Variants in KCNIP4 observed in about 807,000 individuals in gnomAD.
KCNIP4 encodes the protein potassium voltage-gated channel interacting protein 4.
Under a neutral mutation model 34.0 loss-of-function variants are expected in KCNIP4, and 12 were observed. The ratio of observed to expected loss-of-function variants is 0.35; its 90% CI spans 0.23 to 0.57. KCNIP4 has a LOEUF of 0.57. Among genes scored for constraint, KCNIP4 ranks in the 20% least tolerant of loss-of-function variants. KCNIP4 has a pLI of 0.83. For missense variants in KCNIP4, 238 were observed against 311.7 expected (o/e 0.76, Z 1.78); for synonymous variants, 124 against 102.2 (o/e 1.21, Z -1.29).
intron 1 of KCNIP4, among the ~76,000 whole-genome samples, chr4:21,436,501 C>T (rs1393183460): frequency 3.3e-5 from 5 of 152,330 alleles, no homozygotes; most frequent in Admixed American, 6.5e-5. Context: ...TTCTAAAATG[C>T]ATTCCAAAAA....
At chr4:21,368,689 A>C (rs536277609) in intron 1 of KCNIP4, among the ~76,000 whole-genome samples, 40 of 147,606 alleles carry the variant, frequency 2.7e-4, no homozygotes, top group Non-Finnish European at 4.7e-4. Context: ...TTCCCTAAAA[A>C]GTCAACAATT....
chr4:21,333,186 A>G (rs1008447205), intron 1 of KCNIP4, among the ~76,000 whole-genome samples: 3 of 151,974 alleles, frequency 2.0e-5, no homozygotes, highest in African/African-American at 7.2e-5. Context: ...TTCTCAACAG[A>G]ATTGGTGATT....
At chr4:21,932,716 T>C (rs1034725533) in intron 1 of KCNIP4, among the ~76,000 whole-genome samples, 1 of 152,022 alleles carries the variant, frequency 6.6e-6, no homozygotes, top group African/African-American at 2.4e-5. Flanking sequence ...ACCAGACCAG[T>C]GAAATCCTAA....
chr4:21,521,741 C>G (rs970374852), intron 1 of KCNIP4, among the ~76,000 whole-genome samples: 7 of 152,130 alleles, frequency 4.6e-5, no homozygotes, highest in East Asian at 1.9e-4. Flanking sequence ...TTCCTAAGTG[C>G]TCTCTCCAAT....
chr4:21,927,927 G>A (rs28558968), intron 1 of KCNIP4, among the ~76,000 whole-genome samples: 38,882 of 151,828 alleles, frequency 0.26, 5,888 homozygotes, highest in East Asian at 0.62. Context: ...CCATTTATAC[G>A]TGTACACTCT....
intron 4 of KCNIP4, among the ~76,000 whole-genome samples, chr4:20,752,239 A>G (rs1430274445): frequency 6.6e-6 from 1 of 151,646 alleles, no homozygotes; most frequent in Non-Finnish European, 1.5e-5. Flanking sequence ...TTGTATGTTT[A>G]GTAGAGACAG....
intron 1 of KCNIP4, among the ~76,000 whole-genome samples, chr4:21,769,791 T>C (rs569977886): frequency 1.3e-5 from 2 of 152,244 alleles, no homozygotes; most frequent in African/African-American, 4.8e-5. Context: ...CCATCTCTCC[T>C]CCATAGCATT....
intron 1 of KCNIP4, among the ~76,000 whole-genome samples, chr4:20,964,514 T>C (rs1280380611): frequency 6.6e-6 from 1 of 152,150 alleles, no homozygotes; most frequent in Non-Finnish European, 1.5e-5. Flanking sequence ...CAAGATCGTC[T>C]TTTTTGGGGG....
intron 1 of KCNIP4, among the ~76,000 whole-genome samples, chr4:20,920,758 G>A (rs533938561): frequency 1.2e-4 from 19 of 152,268 alleles, no homozygotes; most frequent in South Asian, 1.0e-3. Flanking sequence ...TTGGGAGGCC[G>A]AGGCGGGTGG....
intron 1 of KCNIP4, among the ~76,000 whole-genome samples, chr4:21,817,749 G>A (rs1365096647): frequency 6.6e-6 from 1 of 152,128 alleles, no homozygotes; most frequent in Admixed American, 6.6e-5. Context: ...GCTTACTAGG[G>A]TGGGGAAAAA....
At position 21,484,251 on chromosome 4, in the gene KCNIP4, A is replaced by T. The variant is rs114103375; in HGVS notation, c.61+464320T>A. ...AGACCAGCTTGACTAACATGGTGAA[A>T]CCCCACCTCTAGTACAAATACAAAA... On this transcript the variant is annotated intron_variant, in intron 1 of 8. Transcript: ENST00000382152. Among the ~76,000 whole-genome samples, 1,233 of 151,836 alleles carry T rather than the reference A, an allele frequency of 8.1e-3. 12 individuals are homozygous for T. Among genetic ancestry groups the T allele is most frequent in the African/African-American group, 0.029 (1,185 of 41,374 alleles).
At chr4:21,228,947 C>G (rs1758602622) in intron 1 of KCNIP4, among the ~76,000 whole-genome samples, 1 of 152,160 alleles carries the variant, frequency 6.6e-6, no homozygotes, top group Non-Finnish European at 1.5e-5. Flanking sequence ...CTCTGTTACA[C>G]TCCTGGAATG....
chr4:21,768,256 T>C (rs1174509698), intron 1 of KCNIP4, among the ~76,000 whole-genome samples: 4 of 152,118 alleles, frequency 2.6e-5, no homozygotes, highest in Non-Finnish European at 4.4e-5. Context: ...CAATTCTATA[T>C]TGATAACTAA....
At chr4:21,377,611 A>T (rs974812779) in intron 1 of KCNIP4, among the ~76,000 whole-genome samples, 3 of 152,240 alleles carry the variant, frequency 2.0e-5, no homozygotes, top group Admixed American at 2.0e-4. Context: ...GCACCACATT[A>T]GGCTTAATAT....
At chr4:21,349,457 GA>G (rs901355703) in intron 1 of KCNIP4, among the ~76,000 whole-genome samples, 7 of 152,256 alleles carry the variant, frequency 4.6e-5, no homozygotes, top group African/African-American at 1.7e-4. Context: ...CTATTTTTAA[GA>G]ATTAATCTAC....
chr4:21,265,755 G>C (rs985400800), intron 1 of KCNIP4, among the ~76,000 whole-genome samples: 1 of 152,160 alleles, frequency 6.6e-6, no homozygotes, highest in Non-Finnish European at 1.5e-5. Flanking sequence ...TATTTGATGG[G>C]TGGAAGGACA....
At chr4:21,556,921 AG>A (rs527461165) in intron 1 of KCNIP4, among the ~76,000 whole-genome samples, 8,169 of 123,144 alleles carry the variant, frequency 0.066, 1,065 homozygotes, top group East Asian at 0.13. Context: ...ACTCCATCTC[AG>A]AAAAAAAAAA....
At chr4:21,322,180 G>GGAAA (rs1200333831) in intron 1 of KCNIP4, among the ~76,000 whole-genome samples, 1 of 151,456 alleles carries the variant, frequency 6.6e-6, no homozygotes, top group Non-Finnish European at 1.5e-5. Flanking sequence ...AAGGAAGGAA[G>GGAAA]GAAGGAAGGA....
intron 1 of KCNIP4, among the ~76,000 whole-genome samples, chr4:21,648,827 C>T (rs35325665): frequency 0.057 from 8,693 of 152,052 alleles, 301 homozygotes; most frequent in Middle Eastern, 0.11. Flanking sequence ...CTAGTAGAGG[C>T]CCCGCACATC....
Sources: gnomAD v4.1 joint callset for allele counts (sites outside exome capture counted in the v4.1 genomes callset) on GRCh38, gnomAD v4.1.1 for gene constraint, MANE v1.5 for transcripts, NCBI Gene and HGNC (gene_info 2026-07-23, HGNC 2026-07-21) for gene names.